The following ZC3H3 variants were observed in gnomAD, a reference collection of about 807,000 sequenced individuals.
The protein encoded by ZC3H3 is zinc finger CCCH-type containing 3.
ZC3H3 carries 36 observed loss-of-function variants against 77.3 expected under a neutral mutation model. The observed-to-expected ratio is 0.47, with a 90% CI of 0.36 to 0.61. The LOEUF is 0.61. ZC3H3 is among the 20% of genes least tolerant of loss of function. The pLI is 0.00. For synonymous variants in ZC3H3, 626 were observed against 555.2 expected (o/e 1.13, Z -1.79); for missense variants, 1,331 against 1,312.2 (o/e 1.01, Z -0.22).
At chr8:143,498,916 A>AGGGGTACAGGG (rs1821439964) in intron 4 of ZC3H3, among the ~76,000 whole-genome samples, 1 of 47,934 alleles carries the variant, frequency 2.1e-5, no homozygotes, top group African/African-American at 9.3e-5. Context: ...GGGGCACAGG[A>AGGGGTACAGGG]CGGGGCAGAG....
intron 4 of ZC3H3, among the ~76,000 whole-genome samples, chr8:143,477,300 C>T (rs1247730004): frequency 6.6e-6 from 1 of 152,230 alleles, no homozygotes; most frequent in Non-Finnish European, 1.5e-5. Context: ...AGTTCACAAA[C>T]ACCAATCTTG....
At chr8:143,514,990 G>A (rs1821987741) in intron 3 of ZC3H3, among the ~76,000 whole-genome samples, 2 of 152,370 alleles carry the variant, frequency 1.3e-5, no homozygotes, top group Middle Eastern at 3.4e-3. Flanking sequence ...CCCGGCCAGT[G>A]CCCCCACCAT....
intron 9 of ZC3H3, among the ~76,000 whole-genome samples, chr8:143,457,817 T>C (rs1174570347): frequency 6.6e-6 from 1 of 152,070 alleles, no homozygotes; most frequent in East Asian, 1.9e-4. Context: ...TAGTGAGCTA[T>C]GATTGCACCA....
intron 3 of ZC3H3, among the ~76,000 whole-genome samples, chr8:143,525,905 G>A (rs1475218817): frequency 4.6e-5 from 7 of 152,236 alleles, no homozygotes; most frequent in Admixed American, 6.5e-5. Context: ...TGGATGCCAC[G>A]CCTGCCACAC....
intron 4 of ZC3H3, among the ~76,000 whole-genome samples, chr8:143,505,688 C>A (rs910573352): frequency 6.6e-6 from 1 of 152,192 alleles, no homozygotes; most frequent in East Asian, 1.9e-4. Context: ...CCTCACACAC[C>A]CCCTCAGCCA....
chr8:143,523,283 T>C (rs561994161), intron 3 of ZC3H3: 3 of 981,142 alleles, frequency 3.1e-6, no homozygotes, highest in East Asian at 1.1e-4. Flanking sequence ...CCAGGGGCTA[T>C]AGCAAAGACA....
rs188342475 is a variant in ZC3H3 at position 143,467,326 on chromosome 8, A to G, written c.2175+883T>C. On this transcript the variant is annotated intron_variant, in intron 8 of 11. Coordinates refer to ENST00000262577, the MANE Select transcript of ZC3H3 (RefSeq NM_015117.3). Reference sequence around the variant, plus strand: ...TTTGCACCCCGCCACGTCCACACAAATAACAATAACATTAATTCAGGGCAC... The same window carrying G: ...TTTGCACCCCGCCACGTCCACACAAGTAACAATAACATTAATTCAGGGCAC... Among the ~76,000 whole-genome samples the G allele has an allele frequency of 1.0e-3, 159 of 152,312 alleles. 1 individual carries two copies. In the East Asian group the frequency reaches 0.024, roughly 23 times the overall value.
chr8:143,494,891 G>A lies in ZC3H3; in HGVS notation c.1715+12855C>T, dbSNP rs538297128. On this transcript the variant is annotated intron_variant, in intron 4 of 11. Coordinates refer to ENST00000262577, the MANE Select transcript of ZC3H3 (RefSeq NM_015117.3). This position sits in a 1 kb window ranked among gnomAD's most constrained non-coding sequence, Gnocchi z 5.3. Reference sequence around the variant, plus strand: ...CACCAGTGGCCTTACGTTAGCCCGAGCAGGTACTCAACATCACTGGACACC... The same window carrying A: ...CACCAGTGGCCTTACGTTAGCCCGAACAGGTACTCAACATCACTGGACACC... Among the ~76,000 whole-genome samples, 1 of 152,344 alleles carries A rather than the reference G, an allele frequency of 6.6e-6. No homozygotes were observed. Among genetic ancestry groups the A allele is most frequent in the East Asian group, 1.9e-4 (1 of 5,186 alleles).
At position 143,536,188 on chromosome 8, in the gene ZC3H3, C is replaced by A. The variant is rs930826949; in HGVS notation, c.1561+69G>T. On this transcript the variant is annotated intron_variant, in intron 3 of 11. Coordinates refer to ENST00000262577, the MANE Select transcript of ZC3H3 (RefSeq NM_015117.3). ...TGAGGCAGGGAAGGTGCCCATGGCT[C>A]CTAACACGCCAGCATATCCCATCAG... The A allele has an allele frequency of 1.4e-5, 22 of 1,520,162 alleles. No homozygotes were observed. In the South Asian group the frequency reaches 2.5e-4, roughly 17 times the overall value. The allele number at this position is 1,520,162 out of a possible 1,614,324, so 94.2% of individuals were successfully genotyped here.
intron 4 of ZC3H3, among the ~76,000 whole-genome samples, chr8:143,504,889 G>A (rs1207862039): frequency 6.6e-6 from 1 of 152,246 alleles, no homozygotes; most frequent in African/African-American, 2.4e-5. Context: ...GCTTCACAGA[G>A]AGCAGGCCCG....
intron 3 of ZC3H3, among the ~76,000 whole-genome samples, chr8:143,513,036 G>C (rs1294845924): frequency 6.6e-6 from 1 of 152,068 alleles, no homozygotes; most frequent in Non-Finnish European, 1.5e-5. Flanking sequence ...AGCCTGGGCA[G>C]GGGGTGCCCA....
At chr8:143,498,407 G>A (rs1463543466) in intron 4 of ZC3H3, among the ~76,000 whole-genome samples, 1 of 152,196 alleles carries the variant, frequency 6.6e-6, no homozygotes, top group Non-Finnish European at 1.5e-5. Context: ...CCCCTGACCT[G>A]AGTCCACAGC....
Position 143,538,348 on chromosome 8 carries a change from G to C in ZC3H3, c.1019C>G (p.Ala340Gly). The C allele has an allele frequency of 6.2e-7, 1 of 1,613,010 alleles. No homozygotes were observed. The highest frequency in any genetic ancestry group is 1.7e-5 in the Admixed American group (1 of 60,032). The part of the protein sequence containing the change: ...PRVAAENVCK[A>G]SAGMANKVEK... The stretch of plus-strand genomic sequence containing the variant: ...CACCTTGTTTGCCATGCCAGCAGAG[G>C]CCTTGCACACATTCTCTGCAGCCAC... Residue 340 changes from alanine to glycine, a missense_variant, in exon 2 of 12, where the codon GCC becomes GGC. Around this residue, in one of 3 missense-constraint regions of ZC3H3, gnomAD observed 978 missense variants for 915.5 expected, o/e 1.07. Coordinates refer to ENST00000262577, the MANE Select transcript of ZC3H3 (RefSeq NM_015117.3).
At chr8:143,524,186 G>A (rs1454936096) in intron 3 of ZC3H3, among the ~76,000 whole-genome samples, 1 of 152,224 alleles carries the variant, frequency 6.6e-6, no homozygotes, top group Non-Finnish European at 1.5e-5. Flanking sequence ...GAGCAACATG[G>A]CCGGCACAGA....
chr8:143,507,038 C>T (rs1354162812), intron 4 of ZC3H3, among the ~76,000 whole-genome samples: 1 of 152,228 alleles, frequency 6.6e-6, no homozygotes, highest in East Asian at 1.9e-4. Flanking sequence ...CATCTGCCTG[C>T]CAGAGCTATT....
At chr8:143,532,154 C>T (rs1357094583) in intron 3 of ZC3H3, among the ~76,000 whole-genome samples, 2 of 152,282 alleles carry the variant, frequency 1.3e-5, no homozygotes, top group Non-Finnish European at 2.9e-5. Context: ...AGTTTCGATA[C>T]TGGCCCAGCA....
chr8:143,521,109 TGCCCA>T (rs1822228283), intron 3 of ZC3H3, among the ~76,000 whole-genome samples: 1 of 152,038 alleles, frequency 6.6e-6, no homozygotes, highest in African/African-American at 2.4e-5. Flanking sequence ...CCACAGCCCC[TGCCCA>T]GCCCAGAGGG....
At chr8:143,513,658 G>A (rs748069619) in intron 3 of ZC3H3, among the ~76,000 whole-genome samples, 1 of 152,198 alleles carries the variant, frequency 6.6e-6, no homozygotes, top group Non-Finnish European at 1.5e-5. Flanking sequence ...GGGGTACAGC[G>A]CCTGCTACTG....
intron 9 of ZC3H3, among the ~76,000 whole-genome samples, chr8:143,446,596 C>T (rs1268862481): frequency 1.3e-5 from 2 of 152,230 alleles, no homozygotes; most frequent in Non-Finnish European, 2.9e-5. Flanking sequence ...GGTTTTCCAC[C>T]TCAGTTTACA....
Sources: allele counts gnomAD v4.1 joint callset (sites outside exome capture counted in the v4.1 genomes callset), GRCh38; gene constraint gnomAD v4.1.1; regional missense constraint gnomAD v4.1.1; non-coding constraint Gnocchi (gnomAD v3.1); transcripts MANE v1.5; gene names NCBI Gene and HGNC (gene_info 2026-07-23, HGNC 2026-07-21).